The following IL1RAPL2 variants were observed in gnomAD, a reference collection of about 807,000 sequenced individuals.
The protein encoded by IL1RAPL2 is X-linked interleukin-1 receptor accessory protein-like 2.
Under a neutral mutation model 44.1 loss-of-function variants are expected in IL1RAPL2, and 3 were observed. The observed-to-expected ratio is 0.07, with a 90% confidence interval of 0.03 to 0.18. The LOEUF (loss-of-function observed/expected upper bound fraction) is 0.18, where lower values mean the gene tolerates loss of function less well. IL1RAPL2 is among the 10% of genes least tolerant of loss of function. IL1RAPL2 has a pLI of 1.00. For missense variants in IL1RAPL2, 391 were observed against 496.4 expected (o/e 0.79, Z 2.02); for synonymous variants, 181 against 178.8 (o/e 1.01, Z -0.10).
At chrX:105,510,449 T>C (rs1478112945) in intron 6 of IL1RAPL2, among the ~76,000 whole-genome samples, 2 of 111,440 alleles carry the variant, frequency 1.8e-5, no homozygotes, top group African/African-American at 6.5e-5. Context: ...GTAATGTGTG[T>C]GAAAACCAAA....
chrX:104,775,535 T>C (rs185948829), intron 2 of IL1RAPL2, among the ~76,000 whole-genome samples: 29 of 111,990 alleles, frequency 2.6e-4, no homozygotes, highest in African/African-American at 7.8e-4. Flanking sequence ...TTTGTTAAAA[T>C]ATGTATTGCA....
intron 4 of IL1RAPL2, among the ~76,000 whole-genome samples, chrX:105,266,101 G>A (rs1456748644): frequency 1.8e-5 from 2 of 109,737 alleles, no homozygotes; most frequent in East Asian, 5.7e-4. Context: ...GAGTGCAGTG[G>A]CGTGATCTCG....
At chrX:105,325,544 TATATA>T (rs2034930492) in intron 5 of IL1RAPL2, among the ~76,000 whole-genome samples, 6 of 8,787 alleles carry the variant, frequency 6.8e-4, no homozygotes, top group Non-Finnish European at 0.012. Flanking sequence ...CTTGGTTTTA[TATATA>T]TATATATATA....
intron 5 of IL1RAPL2, among the ~76,000 whole-genome samples, chrX:105,409,847 G>GATAGATAA: frequency 1.2e-5 from 1 of 85,812 alleles, no homozygotes; most frequent in East Asian, 3.9e-4. Flanking sequence ...TAGATAGATA[G>GATAGATAA]ACAGACAGAC....
chrX:105,645,318 T>G (rs1052052692), intron 6 of IL1RAPL2, among the ~76,000 whole-genome samples: 22 of 111,657 alleles, frequency 2.0e-4, no homozygotes, highest in African/African-American at 6.2e-4. Flanking sequence ...AATTTCCTTC[T>G]CCCAATACAC....
chrX:105,146,996 A>G (rs1343782008), intron 2 of IL1RAPL2, among the ~76,000 whole-genome samples: 3 of 111,394 alleles, frequency 2.7e-5, no homozygotes, highest in African/African-American at 6.5e-5. Context: ...GGGTCAGCAG[A>G]AAGAAATGTT....
At chrX:105,674,887 G>C (rs2037856206) in intron 6 of IL1RAPL2, among the ~76,000 whole-genome samples, 1 of 110,613 alleles carries the variant, frequency 9.0e-6, no homozygotes, top group South Asian at 3.8e-4. Flanking sequence ...TCCCTTGTTA[G>C]CTGTATTCCT....
intron 1 of IL1RAPL2, among the ~76,000 whole-genome samples, chrX:104,643,586 A>G (rs923070562): frequency 9.0e-6 from 1 of 111,310 alleles, no homozygotes; most frequent in Non-Finnish European, 1.9e-5. Context: ...GAAGTGAAGT[A>G]GGAGTGCCCA....
In IL1RAPL2 at chrX:105,060,585, C is replaced by CTT. The variant is rs1161187469; in HGVS notation, c.83-134873_83-134872dup. 2.7e-3 allele frequency among the ~76,000 whole-genome samples: 191 copies of CTT among 70,140 alleles called. 4 individuals are homozygous for CTT. Among genetic ancestry groups the CTT allele is most frequent in the African/African-American group, 0.011 (180 of 16,282 alleles). The allele number at this position is 70,140 out of a possible 115,157, so 60.9% of individuals were successfully genotyped here. A position where few individuals can be genotyped will look rare whatever the true frequency, so the allele number is the denominator to read the frequency against. The stretch of plus-strand genomic sequence containing the variant: ...TCTTTTTTCTATTCTTTTTCTTTTT[C>CTT]TTTTTTTTTTTTTTTTTTGATATGT... On this transcript the variant is annotated intron_variant, in intron 2 of 10. Transcript: ENST00000372582.
chrX:104,735,592 C>T (rs1205577416), intron 2 of IL1RAPL2, among the ~76,000 whole-genome samples: 1 of 111,379 alleles, frequency 9.0e-6, no homozygotes, highest in African/African-American at 3.3e-5. Context: ...AAGAGCATAT[C>T]ATTAGTGTCA....
At chrX:104,958,301 G>A (rs1411012729) in intron 2 of IL1RAPL2, among the ~76,000 whole-genome samples, 1 of 108,536 alleles carries the variant, frequency 9.2e-6, no homozygotes, top group East Asian at 2.9e-4. Context: ...CAGAAAGGGA[G>A]AGATGTGTTT....
intron 2 of IL1RAPL2, among the ~76,000 whole-genome samples, chrX:104,945,267 A>T (rs1004651361): frequency 2.1e-4 from 23 of 110,995 alleles, no homozygotes; most frequent in African/African-American, 7.2e-4. Context: ...AAAGAAAAAC[A>T]TAAGAACTTA....
chrX:105,441,563 A>G (rs910464595), intron 5 of IL1RAPL2, among the ~76,000 whole-genome samples: 21 of 112,141 alleles, frequency 1.9e-4, no homozygotes, highest in African/African-American at 5.8e-4. Context: ...CTAATATTGA[A>G]TGAACCCAGA....
At chrX:105,112,749 C>G (rs1198132376) in intron 2 of IL1RAPL2, among the ~76,000 whole-genome samples, 2 of 113,006 alleles carry the variant, frequency 1.8e-5, no homozygotes, top group Non-Finnish European at 3.7e-5. Context: ...TCACTGCACA[C>G]ATGTGCGAAT....
rs374916114 is a variant in IL1RAPL2, at chrX:105,453,536, A to G, written c.698-30777A>G. 5.4e-5 allele frequency among the ~76,000 whole-genome samples: 6 copies of G among 110,441 alleles called. No homozygotes were observed. The East Asian group carries it at 1.1e-3, about 21-fold the overall frequency. ...AAAATTTTCATCCCAGTGATTTTGT[A>G]TTTCCAAAAAATCAAATCTGATAGA... is the stretch of plus-strand genomic sequence containing the variant. On this transcript the variant is annotated intron_variant, in intron 5 of 10. Transcript: ENST00000372582.
chrX:105,093,087 T>C (rs1283772487), intron 2 of IL1RAPL2, among the ~76,000 whole-genome samples: 2 of 110,064 alleles, frequency 1.8e-5, no homozygotes, highest in African/African-American at 6.6e-5. Flanking sequence ...TGGACAAAAG[T>C]GGGTAGAAAG....
intron 2 of IL1RAPL2, among the ~76,000 whole-genome samples, chrX:105,012,643 TCTCACACA>T (rs1189042076): frequency 4.9e-5 from 3 of 61,337 alleles, no homozygotes; most frequent in Admixed American, 1.7e-4. Context: ...TCTCTCTCTC[TCTCACACA>T]CACACACACA....
chrX:104,585,316 TATA>T (rs1928513649), intron 1 of IL1RAPL2, among the ~76,000 whole-genome samples: 1 of 19,536 alleles, frequency 5.1e-5, no homozygotes, highest in African/African-American at 3.9e-4. Context: ...TTATATAATA[TATA>T]TTATATATAA....
intron 2 of IL1RAPL2, among the ~76,000 whole-genome samples, chrX:104,677,986 G>T (rs1033214737): frequency 8.9e-6 from 1 of 112,080 alleles, no homozygotes; most frequent in Non-Finnish European, 1.9e-5. Context: ...ACTGACCTGC[G>T]CCCACTGTCT....
Sources: gnomAD v4.1 joint callset for allele counts (sites outside exome capture counted in the v4.1 genomes callset) on GRCh38, gnomAD v4.1.1 for gene constraint, MANE v1.5 for transcripts, NCBI Gene and HGNC (gene_info 2026-07-23, HGNC 2026-07-21) for gene names.